The following TMEM117 variants were observed in gnomAD, a reference collection of about 807,000 sequenced individuals.
TMEM117 encodes the protein transmembrane protein 117.
TMEM117 carries 27 observed loss-of-function variants against 52.4 expected under a neutral mutation model. The observed-to-expected ratio is 0.51, with a 90% CI of 0.38 to 0.71. The LOEUF (loss-of-function observed/expected upper bound fraction) is 0.71, where lower values mean the gene tolerates loss of function less well. Among genes scored for constraint, TMEM117 ranks in the 30% least tolerant of loss-of-function variants. TMEM117 has a pLI of 0.00. For missense variants in TMEM117, 556 were observed against 630.5 expected, an observed-to-expected ratio of 0.88 and a Z score of 1.26; for synonymous variants, 215 against 206.3, an observed-to-expected ratio of 1.04 and a Z score of -0.36.
chr12:44,342,629 TG>T (rs1477668122), intron 6 of TMEM117, among the ~76,000 whole-genome samples: 1 of 146,860 alleles, frequency 6.8e-6, no homozygotes, highest in Non-Finnish European at 1.5e-5. Flanking sequence ...AGAAATGAGT[TG>T]CTGATTAGTC....
chr12:43,977,141 C>A (rs1945684105), intron 3 of TMEM117, among the ~76,000 whole-genome samples: 1 of 152,060 alleles, frequency 6.6e-6, no homozygotes, highest in African/African-American at 2.4e-5. Flanking sequence ...GGATAAATAC[C>A]CTATGAGAGT....
intron 2 of TMEM117, among the ~76,000 whole-genome samples, chr12:43,887,780 A>G (rs1944023670): frequency 6.6e-6 from 1 of 152,242 alleles, no homozygotes; most frequent in Admixed American, 6.5e-5. Flanking sequence ...CCAGACAAGG[A>G]CCAATCTACT....
At chr12:44,252,786 A>G (rs1265774302) in intron 5 of TMEM117, among the ~76,000 whole-genome samples, 1 of 152,216 alleles carries the variant, frequency 6.6e-6, no homozygotes, top group Non-Finnish European at 1.5e-5. Context: ...GACTGTGAAA[A>G]GTATCTAGCG....
chr12:44,214,525 G>A (rs1168676184), intron 5 of TMEM117, among the ~76,000 whole-genome samples: 1 of 152,054 alleles, frequency 6.6e-6, no homozygotes, highest in Non-Finnish European at 1.5e-5. Flanking sequence ...ATTCTAAAAC[G>A]TAGTTTAAAT....
chr12:44,214,830 C>A (rs1949695367), intron 5 of TMEM117, among the ~76,000 whole-genome samples: 1 of 152,026 alleles, frequency 6.6e-6, no homozygotes. Flanking sequence ...AAAGGAAAAG[C>A]TGATGGAAAA....
intron 4 of TMEM117, among the ~76,000 whole-genome samples, chr12:44,164,818 A>G (rs1315834864): frequency 6.6e-6 from 1 of 152,192 alleles, no homozygotes; most frequent in Non-Finnish European, 1.5e-5. Flanking sequence ...GTACATACTT[A>G]TGGATACATG....
At chr12:44,316,703 C>T (rs560998029) in intron 6 of TMEM117, among the ~76,000 whole-genome samples, 20 of 152,246 alleles carry the variant, frequency 1.3e-4, no homozygotes, top group Non-Finnish European at 2.6e-4. Context: ...TTCTCCTCCT[C>T]TCTCAGGAAT....
chr12:44,182,665 A>T (rs1313262144), intron 4 of TMEM117, among the ~76,000 whole-genome samples: 4 of 152,184 alleles, frequency 2.6e-5, no homozygotes, highest in Non-Finnish European at 2.9e-5. Flanking sequence ...CCATTGTAGA[A>T]TTGTTATGAA....
At chr12:43,949,104 C>T (rs1945179835) in intron 3 of TMEM117, among the ~76,000 whole-genome samples, 1 of 152,126 alleles carries the variant, frequency 6.6e-6, no homozygotes, top group African/African-American at 2.4e-5. Flanking sequence ...ATCGGATCTG[C>T]AGCAAACTGG....
chr12:43,982,266 G>A (rs1056349260), intron 3 of TMEM117, among the ~76,000 whole-genome samples: 38 of 152,100 alleles, frequency 2.5e-4, no homozygotes, highest in African/African-American at 8.5e-4. Context: ...TAGTTTCCCC[G>A]AGGAATACAA....
intron 3 of TMEM117, among the ~76,000 whole-genome samples, chr12:44,114,275 A>G (rs1390747510): frequency 6.6e-6 from 1 of 152,206 alleles, no homozygotes; most frequent in Non-Finnish European, 1.5e-5. Flanking sequence ...TTTTAAAGAA[A>G]AATGACAACT....
At chr12:44,143,670 C>A in intron 4 of TMEM117, 46 bp downstream of exon 4, 1 of 1,416,506 alleles carries the variant, frequency 7.1e-7, no homozygotes, top group Non-Finnish European at 9.9e-7. Context: ...AAACGGAAGA[C>A]ATGTTCACAG....
intron 2 of TMEM117, among the ~76,000 whole-genome samples, chr12:43,941,397 T>A (rs1049979450): frequency 4.6e-5 from 7 of 152,116 alleles, no homozygotes; most frequent in African/African-American, 1.7e-4. Context: ...AAGGAAGGGG[T>A]TACTATTAAT....
chr12:44,334,868 T>A (rs1466729702), intron 6 of TMEM117, among the ~76,000 whole-genome samples: 1 of 151,978 alleles, frequency 6.6e-6, no homozygotes, highest in Non-Finnish European at 1.5e-5. Flanking sequence ...ACTATAAAAA[T>A]CTTCTGAAAA....
chr12:44,072,253 A>G (rs995877495), intron 3 of TMEM117, among the ~76,000 whole-genome samples: 1 of 151,892 alleles, frequency 6.6e-6, no homozygotes, highest in African/African-American at 2.4e-5. Context: ...AGCATGCTTT[A>G]TTTACTCTTT....
At chr12:44,357,466 G>A (rs1951665620) in intron 6 of TMEM117, among the ~76,000 whole-genome samples, 1 of 152,088 alleles carries the variant, frequency 6.6e-6, no homozygotes, top group Non-Finnish European at 1.5e-5. Context: ...TAAGTCAGAG[G>A]AGGGACACTT....
chr12:43,861,518 T>C (rs1943489162), intron 2 of TMEM117, among the ~76,000 whole-genome samples: 1 of 152,234 alleles, frequency 6.6e-6, no homozygotes, highest in Non-Finnish European at 1.5e-5. Flanking sequence ...ACAATCTATG[T>C]TTAAAAGAGG....
chr12:43,876,122 A>G (rs1943791076), intron 2 of TMEM117, among the ~76,000 whole-genome samples: 1 of 152,210 alleles, frequency 6.6e-6, no homozygotes, highest in Non-Finnish European at 1.5e-5. Context: ...TCTGCATGGT[A>G]TCCAGTGGCT....
chr12:43,817,159 T>A, the TMEM117 span, among the ~76,000 whole-genome samples: 2 of 152,238 alleles, frequency 1.3e-5, no homozygotes. Context: ...GTTTTCAATT[T>A]TCAGGAAAAG....
Sources: gnomAD v4.1 joint callset for allele counts (sites outside exome capture counted in the v4.1 genomes callset) on GRCh38, gnomAD v4.1.1 for gene constraint, MANE v1.5 for transcripts, NCBI Gene and HGNC (gene_info 2026-07-23, HGNC 2026-07-21) for gene names.